The following PDE4D variants were observed in gnomAD, a reference collection of about 807,000 sequenced individuals.
PDE4D encodes 3',5'-cyclic-AMP phosphodiesterase 4D.
A neutral mutation model predicts 87.4 loss-of-function variants in PDE4D; 24 were observed. The observed-to-expected ratio is 0.27, with a 90% CI of 0.20 to 0.39. The LOEUF (loss-of-function observed/expected upper bound fraction) is 0.39. Among genes scored for constraint, PDE4D ranks in the 10% least tolerant of loss-of-function variants. The pLI is 1.00. For synonymous variants in PDE4D, 384 were observed against 383.2 expected, an observed-to-expected ratio of 1.00 and a Z score of -0.02; for missense variants, 714 against 1,041.0, an observed-to-expected ratio of 0.69 and a Z score of 4.32.
chr5:59,021,831 T>C (rs1314687903), intron 6 of PDE4D, among the ~76,000 whole-genome samples: 1 of 152,224 alleles, frequency 6.6e-6, no homozygotes, highest in Non-Finnish European at 1.5e-5. Flanking sequence ...CATCTAATAA[T>C]AACCTATGAT....
At chr5:58,999,132 CT>C (rs1037288780) in intron 6 of PDE4D, among the ~76,000 whole-genome samples, 9 of 152,124 alleles carry the variant, frequency 5.9e-5, no homozygotes, top group Non-Finnish European at 1.5e-5. Context: ...ATTTTATAAA[CT>C]TTATGTGCAA....
intron 3 of PDE4D, among the ~76,000 whole-genome samples, chr5:59,191,527 C>T (rs1744305931): frequency 6.6e-6 from 1 of 151,964 alleles, no homozygotes; most frequent in Non-Finnish European, 1.5e-5. Context: ...TTTGTCTGTT[C>T]ACCTCTCTCT....
At chr5:59,521,092 G>C (rs1281975196) in intron 1 of PDE4D, among the ~76,000 whole-genome samples, 2 of 148,760 alleles carry the variant, frequency 1.3e-5, no homozygotes, top group Non-Finnish European at 3.0e-5. Flanking sequence ...GGGTGATTAA[G>C]GAACAATAGG....
chr5:60,513,845 T>G (rs1448802855), intron 1 of PDE4D, among the ~76,000 whole-genome samples: 1 of 151,768 alleles, frequency 6.6e-6, no homozygotes, highest in Non-Finnish European at 1.5e-5. Flanking sequence ...GGGAGATGTA[T>G]AGTCTTAAAT....
intron 1 of PDE4D, among the ~76,000 whole-genome samples, chr5:59,690,155 T>C (rs1157749873): frequency 6.6e-6 from 1 of 152,152 alleles, no homozygotes; most frequent in Non-Finnish European, 1.5e-5. Flanking sequence ...AGGTAATTTA[T>C]AGATTCAGTG....
intron 2 of PDE4D, among the ~76,000 whole-genome samples, chr5:60,138,996 T>C (rs1780292457): frequency 6.6e-6 from 1 of 152,084 alleles, no homozygotes; most frequent in Non-Finnish European, 1.5e-5. Context: ...AGTAATCCCA[T>C]TTTTGGAAAT....
intron 1 of PDE4D, among the ~76,000 whole-genome samples, chr5:59,576,051 G>C (rs1030268855): frequency 6.6e-6 from 1 of 152,174 alleles, no homozygotes; most frequent in Non-Finnish European, 1.5e-5. Context: ...GAAGTGGCCT[G>C]CCACTGATTA....
intron 2 of PDE4D, among the ~76,000 whole-genome samples, chr5:60,140,876 T>G (rs1233745711): frequency 1.3e-5 from 2 of 152,172 alleles, no homozygotes; most frequent in African/African-American, 4.8e-5. Context: ...AGGAGATTGT[T>G]TGAATGTATA....
chr5:60,477,541 A>G (rs1264095156), intron 1 of PDE4D, among the ~76,000 whole-genome samples: 2 of 152,170 alleles, frequency 1.3e-5, no homozygotes, highest in East Asian at 3.9e-4. Flanking sequence ...GGAGGAAAAA[A>G]GGTGAAATGA....
intron 1 of PDE4D, among the ~76,000 whole-genome samples, chr5:59,631,005 T>A (rs1831500392): frequency 6.6e-6 from 1 of 152,164 alleles, no homozygotes; most frequent in African/African-American, 2.4e-5. Flanking sequence ...CTTGAAGACA[T>A]CTTGTGAAAT....
chr5:59,607,239 T>C (rs1008894707), intron 1 of PDE4D, among the ~76,000 whole-genome samples: 2 of 152,130 alleles, frequency 1.3e-5, no homozygotes, highest in South Asian at 2.1e-4. Context: ...AAAATGCTAA[T>C]ATATGATTTG....
At chr5:59,387,672 C>T (rs434274) in intron 1 of PDE4D, among the ~76,000 whole-genome samples, 37,713 of 151,792 alleles carry the variant, frequency 0.25, 5,007 homozygotes, top group East Asian at 0.39. Context: ...TAAAAATTGA[C>T]AAATAAGAAT....
intron 1 of PDE4D, among the ~76,000 whole-genome samples, chr5:59,675,749 G>A (rs1747962143): frequency 6.6e-6 from 1 of 152,124 alleles, no homozygotes; most frequent in Non-Finnish European, 1.5e-5. Context: ...GAGTGCAGTG[G>A]CGCAATCCTG....
intron 1 of PDE4D, among the ~76,000 whole-genome samples, chr5:59,456,626 G>A (rs534296336): frequency 1.4e-4 from 21 of 152,182 alleles, no homozygotes; most frequent in Admixed American, 2.6e-4. Context: ...AATACATTTG[G>A]GAAGGCTACT....
chr5:60,370,837 G>A (rs1299932378), intron 1 of PDE4D, among the ~76,000 whole-genome samples: 1 of 152,032 alleles, frequency 6.6e-6, no homozygotes, highest in Non-Finnish European at 1.5e-5. Context: ...ATGAGAGAGA[G>A]AGAGGGAAGG....
At chr5:59,618,652 T>C (rs1017232580) in intron 1 of PDE4D, among the ~76,000 whole-genome samples, 1 of 152,150 alleles carries the variant, frequency 6.6e-6, no homozygotes, top group Admixed American at 6.6e-5. Context: ...ACACAGAGGA[T>C]ACAGTCAGGA....
chr5:59,566,555 TGTGTG>T (rs1820933577), intron 1 of PDE4D, among the ~76,000 whole-genome samples: 1 of 150,430 alleles, frequency 6.6e-6, no homozygotes, highest in African/African-American at 2.5e-5. Context: ...TGTGTGTGTG[TGTGTG>T]TGTGTGTGTG....
chr5:60,134,940 A>G (rs1779912018), intron 2 of PDE4D, among the ~76,000 whole-genome samples: 1 of 152,176 alleles, frequency 6.6e-6, no homozygotes, highest in African/African-American at 2.4e-5. Flanking sequence ...CTCCATACAC[A>G]CACATAGAAG....
upstream of PDE4D, chr5:60,490,994 A>G (rs940563437): frequency 1.3e-5 from 2 of 152,196 alleles, no homozygotes; most frequent in African/African-American, 4.8e-5. Context: ...ATCAACTAAG[A>G]CTGGCAGGGT....
Sources: gnomAD v4.1 joint callset for allele counts (sites outside exome capture counted in the v4.1 genomes callset) on GRCh38, gnomAD v4.1.1 for gene constraint, MANE v1.5 for transcripts, NCBI Gene and HGNC (gene_info 2026-07-23, HGNC 2026-07-21) for gene names.